RPGRIP1L: variants seen among roughly 807,000 people sequenced by gnomAD.
The protein encoded by RPGRIP1L is RPGRIP1 like.
RPGRIP1L carries 131 observed loss-of-function variants against 160.4 expected under a neutral mutation model. The ratio of observed to expected loss-of-function variants is 0.82; its 90% CI spans 0.71 to 0.94. The LOEUF is 0.94. Among genes scored for constraint, RPGRIP1L ranks in the 40% least tolerant of loss-of-function variants. The pLI is 0.00. For missense variants in RPGRIP1L, 1,522 were observed against 1,535.8 expected, an observed-to-expected ratio of 0.99 and a Z score of 0.15; for synonymous variants, 510 against 515.8, an observed-to-expected ratio of 0.99 and a Z score of 0.15.
At chr16:53,673,101 AT>A in intron 7 of RPGRIP1L, 85 bp from the exon 8 acceptor site, 1 of 1,294,926 alleles carries the variant, frequency 7.7e-7, no homozygotes, top group African/African-American at 1.5e-5. Flanking sequence ...AATGATTACA[AT>A]TCTATAAATG....
chr16:53,674,524 T>A (rs1258675363), intron 7 of RPGRIP1L, among the ~76,000 whole-genome samples: 1 of 151,930 alleles, frequency 6.6e-6, no homozygotes. Flanking sequence ...TTAAGAGTAA[T>A]CAAATATTTT....
chr16:53,656,687 T>C, intron 13 of RPGRIP1L, 98 bp from the exon 14 acceptor site: 1 of 887,224 alleles, frequency 1.1e-6, no homozygotes, highest in Non-Finnish European at 1.9e-6. Flanking sequence ...ATCCTGGAAA[T>C]AGTAGGAGCT....
chr16:53,703,750 G>A lies in RPGRIP1L; in HGVS notation c.-8+53C>T, dbSNP rs867631345. On this transcript the variant is annotated intron_variant, in intron 1 of 26. Transcript: ENST00000647211. The stretch of plus-strand genomic sequence containing the variant: ...ACCCCGGCCCGCGCTGCAGTGGGGA[G>A]GGTCAGCAACCTCCACCCACCCTCA... 2.6e-5 allele frequency: 8 copies of A among 303,418 alleles called. No homozygotes were observed. The Admixed American group carries it at 3.0e-4, about 11-fold the overall frequency. The allele number at this position is 303,418 out of a possible 1,614,324, so 18.8% of individuals were successfully genotyped here.
chr16:53,651,305 G>C (rs745500751), intron 15 of RPGRIP1L, among the ~76,000 whole-genome samples: 4 of 151,932 alleles, frequency 2.6e-5, no homozygotes, highest in African/African-American at 7.3e-5. Context: ...ACTTTTTATC[G>C]CCACTTTCAT....
At chr16:53,658,643 G>T in intron 11 of RPGRIP1L, 129 bp downstream of exon 11, 1 of 836,096 alleles carries the variant, frequency 1.2e-6, no homozygotes, top group Non-Finnish European at 2.0e-6. Flanking sequence ...CTACCTGATA[G>T]CATGAGTTAA....
chr16:53,650,415 G>T (rs1168699802), intron 15 of RPGRIP1L, among the ~76,000 whole-genome samples: 2 of 152,120 alleles, frequency 1.3e-5, no homozygotes, highest in Non-Finnish European at 2.9e-5. Flanking sequence ...ATATATATTT[G>T]CTTGTATATG....
chr16:53,601,970 C>A lies in RPGRIP1L; in HGVS notation c.*106G>T. ...CCAGGTCTCCCCGCTCCCAGCTTCC[C>A]ATGAATTATAGATTATATACACCAG... On this transcript the variant is annotated 3_prime_UTR_variant, in exon 27 of 27. Transcript: ENST00000647211. 1 of 740,752 alleles carries A rather than the reference C, an allele frequency of 1.3e-6. No homozygotes were observed. Among genetic ancestry groups the A allele is most frequent in the Non-Finnish European group, 2.4e-6 (1 of 413,568 alleles). The allele number at this position is 740,752 out of a possible 1,614,324, so 45.9% of individuals were successfully genotyped here. A position where few individuals can be genotyped will look rare whatever the true frequency, so the allele number is the denominator to read the frequency against.
intron 6 of RPGRIP1L, among the ~76,000 whole-genome samples, chr16:53,683,779 A>G (rs117276721): frequency 2.4e-3 from 358 of 152,260 alleles, no homozygotes; most frequent in Middle Eastern, 0.01. Flanking sequence ...TGAAAGCACA[A>G]TGTCAAAGCA....
chr16:53,692,345 G>C lies in RPGRIP1L; in HGVS notation c.250C>G (p.Arg84Gly), dbSNP rs770098954. 3 of 1,613,976 alleles carry C rather than the reference G, an allele frequency of 1.9e-6. No individual in the cohort carries two copies. The highest frequency in any genetic ancestry group is 2.5e-6 in the Non-Finnish European group (3 of 1,179,910). The part of the protein sequence containing the change: ...KIKRMATKLI[R>G]LVNDKKRYER... ...TATCTTTTCTTGTCATTAACTAGCC[G>C]TATTAACTTGGTGGCCATTCTGGGG... The change falls in exon 4 of 27, where the codon CGG (arginine) becomes GGG (glycine). Residue 84 changes from arginine to glycine, a missense_variant. Transcript: ENST00000647211.
chr16:53,639,227 AAGAT>A (rs1442958686), intron 19 of RPGRIP1L, among the ~76,000 whole-genome samples: 1 of 151,946 alleles, frequency 6.6e-6, no homozygotes, highest in East Asian at 1.9e-4. Flanking sequence ...GGAAATGTAA[AAGAT>A]AAATATAAAA....
chr16:53,692,334 A>G lies in RPGRIP1L; in HGVS notation c.261T>C (p.Asn87=), dbSNP rs752587948. 1 of 1,614,154 alleles carries G rather than the reference A, an allele frequency of 6.2e-7. No individual in the cohort carries two copies. The highest frequency in any genetic ancestry group is 8.5e-7 in the Non-Finnish European group (1 of 1,180,016). ...RMATKLIRLV[N]DKKRYERVGG... is the part of the protein sequence containing the mutation. ...CAACCCGCTCATATCTTTTCTTGTC[A>G]TTAACTAGCCGTATTAACTTGGTGG... is the stretch of plus-strand genomic sequence containing the variant. The change falls in exon 4 of 27, where the codon AAT becomes AAC. Residue 87 remains asparagine, a synonymous_variant. Transcript: ENST00000647211.
At chr16:53,650,132 T>C (rs1012881799) in intron 15 of RPGRIP1L, among the ~76,000 whole-genome samples, 2 of 152,136 alleles carry the variant, frequency 1.3e-5, no homozygotes, top group Non-Finnish European at 2.9e-5. Flanking sequence ...TAATTATCAT[T>C]GTTAAGAGTA....
intron 24 of RPGRIP1L, among the ~76,000 whole-genome samples, chr16:53,618,525 T>C (rs1231740988): frequency 6.6e-6 from 1 of 152,196 alleles, no homozygotes; most frequent in Non-Finnish European, 1.5e-5. Context: ...TTGTTTTCTC[T>C]TAACTGTGGT....
At chr16:53,652,403 G>A in intron 15 of RPGRIP1L, 132 bp downstream of exon 15, 1 of 735,220 alleles carries the variant, frequency 1.4e-6, no homozygotes, top group South Asian at 1.6e-5. Flanking sequence ...CCAATTAACT[G>A]TGGGTAAAGA....
chr16:53,698,339 G>A (rs1482307461), intron 2 of RPGRIP1L, among the ~76,000 whole-genome samples: 4 of 139,866 alleles, frequency 2.9e-5, no homozygotes, highest in Non-Finnish European at 4.6e-5. Context: ...CCCCCCGCCC[G>A]GCCAGCCACC....
intron 18 of RPGRIP1L, 61 bp downstream of exon 18, chr16:53,641,224 T>A: frequency 1.3e-6 from 2 of 1,540,304 alleles, no homozygotes; most frequent in South Asian, 2.3e-5. Context: ...GCAGCTTAGT[T>A]CTTAAGCTTT....
intron 17 of RPGRIP1L, among the ~76,000 whole-genome samples, chr16:53,642,505 A>C (rs559070325): frequency 6.6e-6 from 1 of 152,258 alleles, no homozygotes; most frequent in African/African-American, 2.4e-5. Flanking sequence ...TGAGGTGATA[A>C]ACTTTTATAG....
chr16:53,625,231 T>G (rs1965019186), intron 22 of RPGRIP1L, among the ~76,000 whole-genome samples: 1 of 151,406 alleles, frequency 6.6e-6, no homozygotes, highest in Non-Finnish European at 1.5e-5. Context: ...ACCCATTGTC[T>G]GGGAAGTGAG....
chr16:53,703,811 T>G lies in RPGRIP1L; in HGVS notation c.-16A>C, dbSNP rs909461672. 2.5e-6 allele frequency: 1 copy of G among 400,622 alleles called. No homozygotes were observed. Among genetic ancestry groups the G allele is most frequent in the African/African-American group, 2.0e-5 (1 of 49,020 alleles). The allele number at this position is 400,622 out of a possible 1,614,324, so 24.8% of individuals were successfully genotyped here. A position where few individuals can be genotyped will look rare whatever the true frequency, so the allele number is the denominator to read the frequency against. On this transcript the variant is annotated 5_prime_UTR_variant, in exon 1 of 27. Coordinates refer to ENST00000647211, the MANE Select transcript of RPGRIP1L (RefSeq NM_015272.5). ...TCCTCCCGGGTACTCACCGTGCCACTGGCCCTGCAGCTAGCTACCGTTGCT... is the reference window on the plus strand; with the variant it reads ...TCCTCCCGGGTACTCACCGTGCCACGGGCCCTGCAGCTAGCTACCGTTGCT...
Sources: gnomAD v4.1 joint callset for allele counts (sites outside exome capture counted in the v4.1 genomes callset) on GRCh38, gnomAD v4.1.1 for gene constraint, MANE v1.5 for transcripts, NCBI Gene and HGNC (gene_info 2026-07-23, HGNC 2026-07-21) for gene names.